Variants in KLF15 observed in about 807,000 individuals in gnomAD.
KLF15 encodes the protein Krueppel-like factor 15.
Under a neutral mutation model 24.6 loss-of-function variants are expected in KLF15, and 4 were observed. The observed-to-expected ratio is 0.16, with a 90% CI of 0.08 to 0.37. KLF15 has a LOEUF of 0.37. Among genes scored for constraint, KLF15 ranks in the 10% least tolerant of loss-of-function variants. The pLI is 1.00. For missense variants in KLF15, 496 were observed against 560.6 expected (o/e 0.88, Z 1.16); for synonymous variants, 246 against 236.3 (o/e 1.04, Z -0.37).
rs749290658 is a variant in KLF15 at position 126,352,361 on chromosome 3, C to T, written c.562G>A (p.Gly188Arg). ...HKSHLHPGSSGRERCSPPPGG... is the reference protein window; with the variant it reads ...HKSHLHPGSSRRERCSPPPGG... ...GGTGGAGGGGAACAGCGCTCTCTCC[C>T]GCTGGACCCAGGATGGAGGTGGCTC... The change falls in exon 2 of 3, where the codon GGG (glycine) becomes AGG (arginine). Residue 188 changes from glycine (G) to arginine (R), a missense_variant. By Grantham distance (125) the Gly-to-Arg change is moderately radical (BLOSUM62 -2). This residue lies in a region of KLF15 where 399 missense variants were observed against 423.1 expected (regional missense o/e 0.94). Transcript: ENST00000296233. 1.1e-5 allele frequency: 17 copies of T among 1,605,758 alleles called. No homozygotes were observed. Among genetic ancestry groups the T allele is most frequent in the African/African-American group, 6.7e-5 (5 of 74,696 alleles).
At chr3:126,315,047 C>G in the KLF15 span, among the ~76,000 whole-genome samples, 1 of 152,076 alleles carries the variant, frequency 6.6e-6, no homozygotes, top group Non-Finnish European at 1.5e-5. Context: ...TGTTCCAAGT[C>G]CCCCTCCTGG....
the KLF15 span, among the ~76,000 whole-genome samples, chr3:126,294,325 T>A: frequency 4.6e-5 from 7 of 152,202 alleles, no homozygotes; most frequent in Non-Finnish European, 2.9e-5. Context: ...AAGAGATGCT[T>A]TAAGGCTACA....
At chr3:126,312,620 G>A in the KLF15 span, among the ~76,000 whole-genome samples, 1 of 152,160 alleles carries the variant, frequency 6.6e-6, no homozygotes, top group Non-Finnish European at 1.5e-5. Flanking sequence ...GAACCCTCCT[G>A]CTTCATCCAT....
downstream of KLF15, among the ~76,000 whole-genome samples, chr3:126,340,977 C>T (rs1406968253): frequency 6.6e-6 from 1 of 152,212 alleles, no homozygotes; most frequent in Non-Finnish European, 1.5e-5. Context: ...CGTGCCACCA[C>T]GCTGTTGCCC....
At chr3:126,304,066 G>A in the KLF15 span, among the ~76,000 whole-genome samples, 1 of 152,144 alleles carries the variant, frequency 6.6e-6, no homozygotes. Context: ...TTGATTGTTT[G>A]ATTTTTCTTT....
At chr3:126,294,864 T>TACACACACACACAC in the KLF15 span, among the ~76,000 whole-genome samples, 2 of 141,858 alleles carry the variant, frequency 1.4e-5, no homozygotes, top group African/African-American at 5.2e-5. Flanking sequence ...TGCCCCTCCA[T>TACACACACACACAC]ACACACACAC....
In KLF15 at chr3:126,352,730, C is replaced by A; in HGVS notation, c.193G>T (p.Gly65Cys). ...PDSQALCSCY[G>C]GGLGTESQDS... The stretch of plus-strand genomic sequence containing the variant: ...TGGCTCTCGGTGCCCAGGCCTCCAC[C>A]ATAGCAGGAGCAGAGGGCTTGAGAG... The change falls in exon 2 of 3, where the codon GGT (glycine) becomes TGT (cysteine). Residue 65 changes from glycine to cysteine, a missense_variant. By Grantham distance (159) the Gly-to-Cys change is radical (BLOSUM62 -3). This residue lies in a region of KLF15 where 399 missense variants were observed against 423.1 expected (regional missense o/e 0.94). Transcript: ENST00000296233. The A allele has an allele frequency of 1.3e-6, 2 of 1,574,784 alleles. No individual in the cohort carries two copies. The highest frequency in any genetic ancestry group is 2.3e-5 in the South Asian group (2 of 86,824).
chr3:126,320,600 C>A, the KLF15 span, among the ~76,000 whole-genome samples: 3 of 152,248 alleles, frequency 2.0e-5, no homozygotes, highest in South Asian at 6.2e-4. Context: ...CACACACGAG[C>A]ACACTGGTAT....
At chr3:126,335,877 G>A in the KLF15 span, among the ~76,000 whole-genome samples, 1 of 128,398 alleles carries the variant, frequency 7.8e-6, no homozygotes, top group Non-Finnish European at 1.6e-5. Context: ...GGGATGTGAA[G>A]GACCTCTTCA....
the KLF15 span, among the ~76,000 whole-genome samples, chr3:126,308,186 C>G: frequency 1.3e-5 from 2 of 152,208 alleles, no homozygotes; most frequent in Non-Finnish European, 2.9e-5. Context: ...CCCTGGCAAC[C>G]CACACTGCTG....
At chr3:126,329,484 C>A in the KLF15 span, among the ~76,000 whole-genome samples, 1 of 151,988 alleles carries the variant, frequency 6.6e-6, no homozygotes, top group Non-Finnish European at 1.5e-5. Context: ...GAACCTGTCT[C>A]AAATAGAATT....
the KLF15 span, among the ~76,000 whole-genome samples, chr3:126,291,443 G>A: frequency 2.6e-5 from 4 of 152,198 alleles, no homozygotes; most frequent in East Asian, 1.9e-4. Context: ...AACCAAGGTC[G>A]GGACAGAGGA....
the KLF15 span, among the ~76,000 whole-genome samples, chr3:126,307,565 C>A: frequency 6.6e-6 from 1 of 152,206 alleles, no homozygotes; most frequent in Admixed American, 6.5e-5. Context: ...GCTACAGCAC[C>A]TTCCCTCTCC....
In KLF15 at chr3:126,356,897, T is replaced by TC. The variant is rs1256818685; in HGVS notation, c.-26+339dup. On this transcript the variant is annotated intron_variant, in intron 1 of 2. Coordinates refer to ENST00000296233, the MANE Select transcript of KLF15 (RefSeq NM_014079.4). This position sits in a 1 kb window ranked among gnomAD's most constrained non-coding sequence, Gnocchi z 4.4. ...CCCGGGCTGGCCAGCGCGTCCGCTC[T>TC]CCCCCTCCTCTCACCAGGCCGCGCC... 4.1e-5 allele frequency among the ~76,000 whole-genome samples: 6 copies of TC among 147,224 alleles called. No individual in the cohort carries two copies. Among genetic ancestry groups the TC allele is most frequent in the African/African-American group, 1.5e-4 (6 of 39,258 alleles).
chr3:126,293,083 G>C, the KLF15 span, among the ~76,000 whole-genome samples: 1 of 149,968 alleles, frequency 6.7e-6, no homozygotes, highest in Non-Finnish European at 1.5e-5. Flanking sequence ...GCTGAGGTGA[G>C]AGGATCGCTT....
chr3:126,313,380 T>G, the KLF15 span, among the ~76,000 whole-genome samples: 5 of 152,320 alleles, frequency 3.3e-5, no homozygotes, highest in Non-Finnish European at 7.4e-5. Flanking sequence ...CTCAGCTGAC[T>G]CATACAAGGG....
chr3:126,354,390 C>T lies in KLF15; in HGVS notation c.-25-1443G>A, dbSNP rs192821663. On this transcript the variant is annotated intron_variant, in intron 1 of 2. Coordinates refer to ENST00000296233, the MANE Select transcript of KLF15 (RefSeq NM_014079.4). Reference sequence around the variant, plus strand: ...CAGGACCCCTTCAGGGCCTGGCACCCGGCACTGCCCAATGGCCAATACCAT... The same window carrying T: ...CAGGACCCCTTCAGGGCCTGGCACCTGGCACTGCCCAATGGCCAATACCAT... 392 of 152,442 alleles carry T rather than the reference C, an allele frequency of 2.6e-3. 4 individuals carry two copies. The highest frequency in any genetic ancestry group is 8.9e-3 in the African/African-American group (370 of 41,578). 9.4% of individuals were successfully genotyped at this position (152,442 alleles called of 1,614,324 possible). A position where few individuals can be genotyped will look rare whatever the true frequency, so the allele number is the denominator to read the frequency against.
At chr3:126,306,722 G>A in the KLF15 span, among the ~76,000 whole-genome samples, 1 of 152,258 alleles carries the variant, frequency 6.6e-6, no homozygotes, top group African/African-American at 2.4e-5. Flanking sequence ...AGCTTTGGGA[G>A]CGAGAGGCCC....
chr3:126,288,227 A>G, the KLF15 span: 5 of 152,232 alleles, frequency 3.3e-5, no homozygotes, highest in African/African-American at 1.2e-4. Flanking sequence ...AAATGAGGCT[A>G]AGGTAGACGT....
Sources: gnomAD v4.1 joint callset for allele counts (sites outside exome capture counted in the v4.1 genomes callset) on GRCh38, gnomAD v4.1.1 for gene constraint, gnomAD v4.1.1 regional missense constraint, Gnocchi (gnomAD v3.1) non-coding constraint, MANE v1.5 for transcripts, NCBI Gene and HGNC (gene_info 2026-07-23, HGNC 2026-07-21) for gene names.